LEP: variants seen among roughly 807,000 people sequenced by gnomAD.
LEP encodes leptin, also known as leptin (murine obesity homolog).
Under a neutral mutation model 9.8 loss-of-function variants are expected in LEP, and 6 were observed. That is an observed-to-expected ratio of 0.61 (90% CI 0.34 to 1.21). The LOEUF (loss-of-function observed/expected upper bound fraction) is 1.21, where lower values mean the gene tolerates loss of function less well. LEP is among the 50% of genes most tolerant of loss of function. The pLI is 0.04. For missense variants in LEP, 134 were observed against 198.1 expected, an observed-to-expected ratio of 0.68 and a Z score of 1.94; for synonymous variants, 112 against 81.7, an observed-to-expected ratio of 1.37 and a Z score of -2.00.
chr7:128,242,469 C>T (rs1795162586), intron 1 of LEP, among the ~76,000 whole-genome samples: 1 of 152,204 alleles, frequency 6.6e-6, no homozygotes, highest in South Asian at 2.1e-4. Context: ...AACGTGAGTG[C>T]TCCTGTTCTA....
intron 1 of LEP, among the ~76,000 whole-genome samples, chr7:128,243,531 T>C (rs1795175839): frequency 6.6e-6 from 1 of 151,996 alleles, no homozygotes. Flanking sequence ...GAGCACAGCT[T>C]AGGAAGCTGA....
At chr7:128,253,741 A>G (rs1185119956) in intron 2 of LEP, among the ~76,000 whole-genome samples, 1 of 152,216 alleles carries the variant, frequency 6.6e-6, no homozygotes, top group Non-Finnish European at 1.5e-5. Flanking sequence ...CTTTAAAAAT[A>G]ATAAAAAAAA....
At chr7:128,249,799 A>T (rs1795253434) in intron 1 of LEP, among the ~76,000 whole-genome samples, 1 of 152,098 alleles carries the variant, frequency 6.6e-6, no homozygotes, top group Non-Finnish European at 1.5e-5. Flanking sequence ...TCTCAGATGG[A>T]CCTGCTACCA....
At chr7:128,248,030 C>T (rs1038035886) in intron 1 of LEP, among the ~76,000 whole-genome samples, 2 of 152,186 alleles carry the variant, frequency 1.3e-5, no homozygotes, top group East Asian at 1.9e-4. Context: ...CGGTGGCTCA[C>T]GCCTGTAATC....
intron 1 of LEP, among the ~76,000 whole-genome samples, chr7:128,249,972 A>G (rs1331119143): frequency 6.6e-6 from 1 of 152,134 alleles, no homozygotes; most frequent in African/African-American, 2.4e-5. Context: ...GGCTTGTAAA[A>G]CTGTTTTTCC....
chr7:128,255,380 G>T lies in LEP; in HGVS notation c.*617G>T, dbSNP rs1795325945. On this transcript the variant is annotated 3_prime_UTR_variant, in exon 3 of 3. Coordinates refer to ENST00000308868, the MANE Select transcript of LEP (RefSeq NM_000230.3). Reference sequence around the variant, plus strand: ...CAATCCCATAGATGGGTCTGGCTGAGCTGAACCCATTTTGAGTGACTCGAG... The same window carrying T: ...CAATCCCATAGATGGGTCTGGCTGATCTGAACCCATTTTGAGTGACTCGAG... 6.4e-6 allele frequency: 1 copy of T among 155,248 alleles called. No individual in the cohort carries two copies. Among genetic ancestry groups the T allele is most frequent in the Non-Finnish European group, 1.4e-5 (1 of 69,832 alleles). 9.6% of individuals were successfully genotyped at this position (155,248 alleles called of 1,614,324 possible). A position where few individuals can be genotyped will look rare whatever the true frequency, so the allele number is the denominator to read the frequency against.
chr7:128,241,674 A>T (rs574229695), intron 1 of LEP, among the ~76,000 whole-genome samples: 1 of 152,312 alleles, frequency 6.6e-6, no homozygotes, highest in South Asian at 2.1e-4. Flanking sequence ...TGAAGGAGAT[A>T]AAGTTGGGGG....
At chr7:128,245,934 C>T (rs771700891) in intron 1 of LEP, among the ~76,000 whole-genome samples, 4 of 151,768 alleles carry the variant, frequency 2.6e-5, no homozygotes, top group Non-Finnish European at 4.4e-5. Context: ...CGGTGGTGGG[C>T]GCCTGTATTT....
intron 1 of LEP, among the ~76,000 whole-genome samples, chr7:128,243,114 G>C (rs1795171139): frequency 6.6e-6 from 1 of 152,242 alleles, no homozygotes; most frequent in African/African-American, 2.4e-5. Context: ...CAGAGAAACA[G>C]AGAGGTTGTT....
chr7:128,254,174 C>T (rs941597291), intron 2 of LEP, among the ~76,000 whole-genome samples: 8 of 152,086 alleles, frequency 5.3e-5, no homozygotes, highest in African/African-American at 1.9e-4. Flanking sequence ...GAAAGTTGGC[C>T]TGGAAGTGGA....
intron 1 of LEP, among the ~76,000 whole-genome samples, chr7:128,246,124 T>C (rs1315916993): frequency 6.6e-6 from 1 of 151,916 alleles, no homozygotes; most frequent in Non-Finnish European, 1.5e-5. Context: ...CACACATCTC[T>C]GCCCATCCTA....
At chr7:128,253,687 C>T (rs1584607237) in intron 2 of LEP, among the ~76,000 whole-genome samples, 3 of 152,258 alleles carry the variant, frequency 2.0e-5, no homozygotes, top group Admixed American at 2.0e-4. Context: ...TGGCTCAGAA[C>T]TAGATAGAGT....
chr7:128,255,084 C>A lies in LEP; in HGVS notation c.*321C>A, dbSNP rs1795321905. The A allele has an allele frequency of 1.6e-5, 6 of 381,674 alleles. No individual in the cohort carries two copies. The highest frequency in any genetic ancestry group is 7.0e-5 in the South Asian group (3 of 42,738). 23.6% of individuals were successfully genotyped at this position (381,674 alleles called of 1,614,324 possible). On this transcript the variant is annotated 3_prime_UTR_variant, in exon 3 of 3. Transcript: ENST00000308868. ...GTCCCCTCTTGACCCATCTCCCCCT[C>A]ACTGAATGCCTCAATGTGACCAGGG...
At chr7:128,251,149 C>T (rs572552624) in intron 1 of LEP, among the ~76,000 whole-genome samples, 41 of 152,292 alleles carry the variant, frequency 2.7e-4, no homozygotes, top group South Asian at 2.1e-3. Flanking sequence ...CCAGGGAGCC[C>T]CCTGTGCCTT....
chr7:128,248,299 G>A (rs1177884456), intron 1 of LEP, among the ~76,000 whole-genome samples: 1 of 152,160 alleles, frequency 6.6e-6, no homozygotes, highest in African/African-American at 2.4e-5. Context: ...AGGCATGGTG[G>A]CAGGCACCTG....
chr7:128,252,127 A>T lies in LEP; in HGVS notation c.109A>T (p.Thr37Ser). 6.2e-7 allele frequency: 1 copy of T among 1,614,212 alleles called. No individual in the cohort carries two copies. The highest frequency in any genetic ancestry group is 8.5e-7 in the Non-Finnish European group (1 of 1,180,032). The stretch of plus-strand genomic sequence containing the variant: ...AGATGACACCAAAACCCTCATCAAG[A>T]CAATTGTCACCAGGATCAATGACAT... ...VQDDTKTLIKTIVTRINDISH... is the reference protein window; with the variant it reads ...VQDDTKTLIKSIVTRINDISH... Residue 37 changes from threonine to serine, a missense_variant, in exon 2 of 3, where the codon ACA (threonine) becomes TCA (serine). Thr to Ser is a moderately conservative substitution (Grantham distance 58). Coordinates refer to ENST00000308868, the MANE Select transcript of LEP (RefSeq NM_000230.3).
chr7:128,245,955 GGGAGGCTGA>G (rs931426954), intron 1 of LEP, among the ~76,000 whole-genome samples: 10 of 151,900 alleles, frequency 6.6e-5, no homozygotes, highest in Non-Finnish European at 1.2e-4. Context: ...CCAGCTACCC[GGGAGGCTGA>G]GGAGGCTGAG....
chr7:128,250,141 G>A (rs939918352), intron 1 of LEP, among the ~76,000 whole-genome samples: 54 of 152,288 alleles, frequency 3.5e-4, no homozygotes, highest in African/African-American at 1.3e-3. Flanking sequence ...AGCTGGAGCC[G>A]CAGAGCCTAA....
chr7:128,244,958 C>A (rs1486694108), intron 1 of LEP, among the ~76,000 whole-genome samples: 1 of 152,164 alleles, frequency 6.6e-6, no homozygotes, highest in Non-Finnish European at 1.5e-5. Flanking sequence ...AGAGCCTCTT[C>A]GTCTCTTGCC....
Sources: allele counts gnomAD v4.1 joint callset (sites outside exome capture counted in the v4.1 genomes callset), GRCh38; gene constraint gnomAD v4.1.1; transcripts MANE v1.5; gene names NCBI Gene and HGNC (gene_info 2026-07-23, HGNC 2026-07-21).